The following NCOR2 variants were observed in gnomAD, a reference collection of about 807,000 sequenced individuals.
NCOR2 encodes CTG repeat protein 26.
NCOR2 carries 81 observed loss-of-function variants against 262.9 expected under a neutral mutation model. The ratio of observed to expected loss-of-function variants is 0.31; its 90% CI spans 0.26 to 0.37. The LOEUF (loss-of-function observed/expected upper bound fraction) is 0.37. NCOR2 is among the 10% of genes least tolerant of loss of function. The pLI is 1.00. For synonymous variants in NCOR2, 1,659 were observed against 1,559.3 expected (o/e 1.06, Z -1.51); for missense variants, 3,385 against 3,621.4 (o/e 0.93, Z 1.68).
At chr12:124,336,406 A>T in intron 38 of NCOR2, 1 of 229,936 alleles carries the variant, frequency 4.3e-6, no homozygotes, top group Non-Finnish European at 8.1e-6. Flanking sequence ...AAAAGCAAAA[A>T]TCCAAAAAAA....
At chr12:124,456,998 G>C (rs1391700078) in intron 6 of NCOR2, 108 bp downstream of exon 8, 2 of 920,156 alleles carry the variant, frequency 2.2e-6, no homozygotes, top group Non-Finnish European at 2.9e-6. Context: ...CCTGGGCAGC[G>C]CTTGGTAATA....
intron 13 of NCOR2, 76 bp downstream of exon 15, chr12:124,419,877 CGGGG>C: frequency 7.8e-7 from 1 of 1,280,876 alleles, no homozygotes; most frequent in Admixed American, 1.7e-5. Flanking sequence ...GCCAGCCATG[CGGGG>C]TGCTGGCCAC....
intron 22 of NCOR2, among the ~76,000 whole-genome samples, chr12:124,360,630 C>T (rs751359480): frequency 7.2e-5 from 11 of 152,294 alleles, no homozygotes; most frequent in East Asian, 3.9e-4. Flanking sequence ...CCACACAATC[C>T]GGTCCCCACT....
intron 16 of NCOR2, chr12:124,388,876 GGGA>G: frequency 4.1e-6 from 4 of 967,748 alleles, no homozygotes; most frequent in Non-Finnish European, 3.9e-6. Context: ...GAGGGAGGGA[GGGA>G]GGGAGGGAGG....
At position 124,531,801 on chromosome 12, in the gene NCOR2, C is replaced by T. The variant is rs1272865984; in HGVS notation, c.-118+3764G>A. ...CACACCTTCGGTGTCCCCGATCACC[C>T]GCCCAGGGTACCCCGAGACCCCAGC... On this transcript the variant is annotated intron_variant, in intron 1 of 46. Coordinates refer to the NCOR2 transcript ENST00000404621. The surrounding 1 kb of genome is among the most constrained non-coding windows in gnomAD (Gnocchi z 4.5). Among the ~76,000 whole-genome samples, 1 of 152,006 alleles carries T rather than the reference C, an allele frequency of 6.6e-6. No individual in the cohort carries two copies. The highest frequency in any genetic ancestry group is 2.4e-5 in the African/African-American group (1 of 41,386).
chr12:124,465,949 C>T (rs2046392599), intron 5 of NCOR2, among the ~76,000 whole-genome samples: 1 of 152,236 alleles, frequency 6.6e-6, no homozygotes, highest in Admixed American at 6.5e-5. Flanking sequence ...CCACAGTCCA[C>T]ACCCATCTGA....
At chr12:124,498,358 C>T (rs2048486590), upstream of NCOR2, among the ~76,000 whole-genome samples, 1 of 152,190 alleles carries the variant, frequency 6.6e-6, no homozygotes, top group Non-Finnish European at 1.5e-5. Flanking sequence ...TTTCCACTGC[C>T]TGGGATTTAC....
At chr12:124,412,950 G>A (rs1196319647) in intron 13 of NCOR2, among the ~76,000 whole-genome samples, 3 of 152,240 alleles carry the variant, frequency 2.0e-5, no homozygotes. Flanking sequence ...CACAGCCCCA[G>A]GATGCTGGCT....
At chr12:124,357,450 T>C (rs956083576) in intron 22 of NCOR2, among the ~76,000 whole-genome samples, 1 of 152,208 alleles carries the variant, frequency 6.6e-6, no homozygotes, top group African/African-American at 2.4e-5. Context: ...CACCACACCA[T>C]GCTTGGCTAG....
rs545079861 is a variant in NCOR2, at chr12:124,483,120, C to T, written c.411+476G>A. Among the ~76,000 whole-genome samples, 30 of 152,150 alleles carry T rather than the reference C, an allele frequency of 2.0e-4. No individual in the cohort carries two copies. Among genetic ancestry groups the T allele is most frequent in the African/African-American group, 7.2e-4 (30 of 41,514 alleles). ...AGGGGGCTGCCTGCTGTGCAGGGCT[C>T]GAGGCAGGGGTCACTGAGCCCCCTG... On this transcript the variant is annotated intron_variant, in intron 3 of 46. Transcript: ENST00000405201. The surrounding 1 kb of genome is among the most constrained non-coding windows in gnomAD (Gnocchi z 6.3).
In NCOR2 at chr12:124,431,673, GAC is replaced by G. The variant is rs1467229721; in HGVS notation, c.883-888_883-887del. On this transcript the variant is annotated intron_variant, in intron 8 of 46. Transcript: ENST00000405201. ...CAGGCACACACAAGTCACACAGGCA[GAC>G]ACACAGATACACACACATACAGTCA... 9.4e-5 allele frequency among the ~76,000 whole-genome samples: 14 copies of G among 149,204 alleles called. No homozygotes were observed. In the East Asian group the frequency reaches 1.4e-3, roughly 15 times the overall value.
intron 1 of NCOR2, among the ~76,000 whole-genome samples, chr12:124,509,413 C>T (rs578220752): frequency 1.3e-5 from 2 of 152,344 alleles, no homozygotes; most frequent in South Asian, 2.1e-4. Context: ...CCAACTGTGC[C>T]TGAAGCTTCT....
chr12:124,465,228 A>G (rs1293641174), intron 5 of NCOR2, among the ~76,000 whole-genome samples: 1 of 152,194 alleles, frequency 6.6e-6, no homozygotes, highest in Non-Finnish European at 1.5e-5. Flanking sequence ...CTCATCTGTC[A>G]TGCTTCACAA....
At chr12:124,350,161 C>T (rs1387231100) in intron 28 of NCOR2, among the ~76,000 whole-genome samples, 1 of 152,188 alleles carries the variant, frequency 6.6e-6, no homozygotes, top group Non-Finnish European at 1.5e-5. Context: ...TTCTGGAACC[C>T]AGAGCCTAGA....
At chr12:124,390,061 C>T (rs1469216793) in intron 16 of NCOR2, among the ~76,000 whole-genome samples, 1 of 152,080 alleles carries the variant, frequency 6.6e-6, no homozygotes, top group Non-Finnish European at 1.5e-5. Flanking sequence ...GTCCCTGCAC[C>T]CCCAGCCCTC....
At chr12:124,343,696 C>T (rs1016345419) in intron 32 of NCOR2, among the ~76,000 whole-genome samples, 16 of 151,768 alleles carry the variant, frequency 1.1e-4, no homozygotes, top group East Asian at 1.9e-4. Flanking sequence ...GCACGATCTC[C>T]GTTCACTGTA....
intron 5 of NCOR2, among the ~76,000 whole-genome samples, chr12:124,459,141 T>C (rs899139280): frequency 6.6e-6 from 1 of 152,152 alleles, no homozygotes; most frequent in Non-Finnish European, 1.5e-5. Context: ...AGGAGGGCTA[T>C]ATAGGCTGGG....
chr12:124,554,216 G>A (rs777679774), intron 1 of NCOR2, among the ~76,000 whole-genome samples: 3 of 152,210 alleles, frequency 2.0e-5, no homozygotes, highest in Admixed American at 6.5e-5. Context: ...CAGAGGTGCC[G>A]CGAGGTGGCA....
At chr12:124,358,105 ACGTG>A (rs1287311704) in intron 22 of NCOR2, among the ~76,000 whole-genome samples, 7 of 90,278 alleles carry the variant, frequency 7.8e-5, no homozygotes, top group African/African-American at 3.0e-4. Flanking sequence ...GCGCGCGCGC[ACGTG>A]CGTGCGTGTG....
Sources: allele counts gnomAD v4.1 joint callset (sites outside exome capture counted in the v4.1 genomes callset), GRCh38; gene constraint gnomAD v4.1.1; non-coding constraint Gnocchi (gnomAD v3.1); transcripts MANE v1.5; gene names NCBI Gene and HGNC (gene_info 2026-07-23, HGNC 2026-07-21).